The following PRH1 variants were observed in gnomAD, a reference collection of about 807,000 sequenced individuals.
PRH1 encodes salivary acidic proline-rich phosphoprotein 1/2.
A neutral mutation model predicts 7.9 loss-of-function variants in PRH1; 7 were observed. The ratio of observed to expected loss-of-function variants is 0.89; its 90% CI spans 0.50 to 1.67. The LOEUF (loss-of-function observed/expected upper bound fraction) is 1.67, where lower values mean the gene tolerates loss of function less well. Among genes scored for constraint, PRH1 ranks in the 40% most tolerant of loss-of-function variants. The pLI is 0.00. For missense variants in PRH1, 109 were observed against 223.6 expected (o/e 0.49, Z 3.27); for synonymous variants, 45 against 80.8 (o/e 0.56, Z 2.38).
At chr12:10,944,397 A>G (rs945318882) in intron 2 of PRH1, among the ~76,000 whole-genome samples, 4 of 152,056 alleles carry the variant, frequency 2.6e-5, no homozygotes, top group Non-Finnish European at 4.4e-5. Context: ...AATACAAGTG[A>G]TTTTTGTACA....
chr12:10,939,746 G>A (rs1950365295), intron 2 of PRH1, among the ~76,000 whole-genome samples: 1 of 151,948 alleles, frequency 6.6e-6, no homozygotes, highest in African/African-American at 2.4e-5. Flanking sequence ...AGAGGAATAA[G>A]TTTTGTTCTG....
intron 1 of PRH1, among the ~76,000 whole-genome samples, chr12:11,041,108 T>A (rs946601011): frequency 2.0e-5 from 3 of 151,104 alleles, no homozygotes; most frequent in Non-Finnish European, 2.9e-5. Flanking sequence ...TTACTACCAG[T>A]AATAACGTTG....
At chr12:11,013,710 C>A (rs1397022082) in intron 1 of PRH1, among the ~76,000 whole-genome samples, 2 of 150,188 alleles carry the variant, frequency 1.3e-5, no homozygotes, top group Non-Finnish European at 3.0e-5. Flanking sequence ...GAAATTCAAG[C>A]AAAAATATTA....
intron 1 of PRH1, among the ~76,000 whole-genome samples, chr12:11,037,054 G>A (rs1485020892): frequency 2.0e-5 from 3 of 152,072 alleles, no homozygotes; most frequent in Non-Finnish European, 4.4e-5. Flanking sequence ...TATTTTCAAC[G>A]ATTTATTTGC....
chr12:10,903,487 G>GA (rs1191217660), intron 2 of PRH1, among the ~76,000 whole-genome samples: 1 of 151,696 alleles, frequency 6.6e-6, no homozygotes, highest in Non-Finnish European at 1.5e-5. Flanking sequence ...CTGGACTCTT[G>GA]AAAAAACGCT....
intron 1 of PRH1, among the ~76,000 whole-genome samples, chr12:11,002,925 C>T (rs1940661198): frequency 6.6e-6 from 1 of 152,000 alleles, no homozygotes. Flanking sequence ...TTGTCCTATA[C>T]ACTTAATATC....
chr12:10,894,761 T>C (rs1949620666), intron 2 of PRH1, among the ~76,000 whole-genome samples: 1 of 152,166 alleles, frequency 6.6e-6, no homozygotes. Context: ...TCTCCATATA[T>C]GGTGCAAACA....
At chr12:10,908,764 C>A in intron 2 of PRH1, 1 of 1,613,916 alleles carries the variant, frequency 6.2e-7, no homozygotes, top group Non-Finnish European at 8.5e-7. Context: ...GTGAATTTGA[C>A]CGACACTGAA....
At chr12:11,125,245 T>C (rs911436532) in intron 1 of PRH1, among the ~76,000 whole-genome samples, 1 of 152,306 alleles carries the variant, frequency 6.6e-6, no homozygotes, top group Admixed American at 6.5e-5. Flanking sequence ...ATTTACTTGC[T>C]ATTTTTTTTC....
chr12:11,048,209 ATC>A (rs1942985741), upstream of PRH1: 1 of 143,660 alleles, frequency 7.0e-6, no homozygotes, highest in African/African-American at 2.6e-5. Context: ...TTTTCTAGGT[ATC>A]TGTTTTGAAA....
At chr12:11,029,826 CAAT>C (rs1942097089) in intron 1 of PRH1, among the ~76,000 whole-genome samples, 1 of 152,104 alleles carries the variant, frequency 6.6e-6, no homozygotes, top group Admixed American at 6.6e-5. Context: ...TCTTTTCTAA[CAAT>C]AATTCTCATT....
intron 2 of PRH1, among the ~76,000 whole-genome samples, chr12:10,924,609 C>T (rs1472813031): frequency 1.3e-5 from 2 of 152,096 alleles, no homozygotes; most frequent in African/African-American, 2.4e-5. Context: ...TGGTAGAATT[C>T]GGCTGTGATT....
intron 2 of PRH1, among the ~76,000 whole-genome samples, chr12:10,925,765 T>C (rs1277767756): frequency 6.6e-6 from 1 of 152,232 alleles, no homozygotes; most frequent in East Asian, 1.9e-4. Context: ...TTTCTGAACC[T>C]CATTCCTTCT....
chr12:10,942,105 A>C (rs979951018), intron 2 of PRH1, among the ~76,000 whole-genome samples: 1 of 151,980 alleles, frequency 6.6e-6, no homozygotes, highest in Non-Finnish European at 1.5e-5. Flanking sequence ...GGATACCAGC[A>C]CCTGTTCTGG....
At chr12:10,886,137 G>A (rs1211413027), upstream of PRH1, among the ~76,000 whole-genome samples, 1 of 152,204 alleles carries the variant, frequency 6.6e-6, no homozygotes, top group African/African-American at 2.4e-5. Context: ...GTAGTTGCTT[G>A]AGCCCAGCAG....
At chr12:11,034,055 C>G (rs377111298) in intron 1 of PRH1, among the ~76,000 whole-genome samples, 1 of 97,952 alleles carries the variant, frequency 1.0e-5, no homozygotes, top group Admixed American at 1.1e-4. Context: ...ACTTTACCAA[C>G]TAGGTATGCA....
At chr12:10,936,149 C>A (rs893988911) in intron 2 of PRH1, among the ~76,000 whole-genome samples, 18 of 152,010 alleles carry the variant, frequency 1.2e-4, no homozygotes, top group African/African-American at 4.3e-4. Flanking sequence ...CACCCCGCCC[C>A]CACACACATA....
intron 2 of PRH1, among the ~76,000 whole-genome samples, chr12:10,914,042 T>G (rs1464944258): frequency 6.6e-6 from 1 of 152,186 alleles, no homozygotes; most frequent in Non-Finnish European, 1.5e-5. Flanking sequence ...CTAACTTATG[T>G]GACACTGGCT....
intron 2 of PRH1, among the ~76,000 whole-genome samples, chr12:10,953,372 A>G (rs1184472700): frequency 6.6e-6 from 1 of 152,194 alleles, no homozygotes; most frequent in Non-Finnish European, 1.5e-5. Flanking sequence ...ACGCCATAAA[A>G]TGATACAGAA....
Sources: allele counts gnomAD v4.1 joint callset (sites outside exome capture counted in the v4.1 genomes callset), GRCh38; gene constraint gnomAD v4.1.1; transcripts MANE v1.5; gene names NCBI Gene and HGNC (gene_info 2026-07-23, HGNC 2026-07-21).